SEMA3C: variants seen among roughly 807,000 people sequenced by gnomAD.
SEMA3C encodes semaphorin-3C.
A neutral mutation model predicts 89.4 loss-of-function variants in SEMA3C; 47 were observed. The ratio of observed to expected loss-of-function variants is 0.53; its 90% CI spans 0.42 to 0.67. SEMA3C has a LOEUF of 0.67. SEMA3C is among the 30% of genes least tolerant of loss of function. The pLI, the probability that SEMA3C is intolerant of heterozygous loss-of-function variation, is 0.00. For missense variants in SEMA3C, 839 were observed against 929.1 expected (o/e 0.90, Z 1.26); for synonymous variants, 310 against 320.2 (o/e 0.97, Z 0.34).
In SEMA3C at chr7:80,757,631, A is replaced by C. The variant is rs1399098317; in HGVS notation, c.1643+700T>G. 2.6e-5 allele frequency among the ~76,000 whole-genome samples: 4 copies of C among 152,342 alleles called. No individual in the cohort carries two copies. In the East Asian group the frequency reaches 7.7e-4, roughly 29 times the overall value. ...TTTACAAGATAATTAAGCAATGTAG[A>C]GAAATCCTAGGAAGGTGGGTTTTAA... On this transcript the variant is annotated intron_variant, in intron 15 of 17. Coordinates refer to ENST00000265361, the MANE Select transcript of SEMA3C (RefSeq NM_006379.5).
intron 2 of SEMA3C, among the ~76,000 whole-genome samples, chr7:80,873,816 G>A (rs1241254217): frequency 1.3e-5 from 2 of 152,152 alleles, no homozygotes; most frequent in Non-Finnish European, 2.9e-5. Flanking sequence ...ACTTCCAGTT[G>A]TTGCATGGAA....
At chr7:80,918,157 T>C (rs1193558431) in intron 1 of SEMA3C, 1 of 152,212 alleles carries the variant, frequency 6.6e-6, no homozygotes. Context: ...TATGGGTGAC[T>C]TTCCCTCAGT....
rs1362776343 is a variant in SEMA3C, at chr7:80,744,275, A to G, written c.*619T>C. On this transcript the variant is annotated 3_prime_UTR_variant, in exon 18 of 18. Transcript: ENST00000265361. ...TGATTTTTATCTTCCTGAATAAGGA[A>G]ACAAAGGTCAGTGACAGATACCAGT... 6.6e-6 allele frequency: 1 copy of G among 152,396 alleles called. No individual in the cohort carries two copies. Among genetic ancestry groups the G allele is most frequent in the Non-Finnish European group, 1.5e-5 (1 of 68,194 alleles). The allele number at this position is 152,396 out of a possible 1,614,324, so 9.4% of individuals were successfully genotyped here.
At chr7:80,835,716 G>C (rs2115850424) in intron 2 of SEMA3C, among the ~76,000 whole-genome samples, 1 of 152,230 alleles carries the variant, frequency 6.6e-6, no homozygotes, top group African/African-American at 2.4e-5. Context: ...AAAAATAATA[G>C]CCCCAAATAG....
In SEMA3C at chr7:80,796,601, A is replaced by G. The variant is rs563393351; in HGVS notation, c.1131+1491T>C. ...CTTTTCCCTGTTTTATACAAGATTA[A>G]TGTTCTGTCCATCTTCTTTAGAGCT... On this transcript the variant is annotated intron_variant, in intron 11 of 17. Transcript: ENST00000265361. 3 of 152,346 alleles carry G rather than the reference A, an allele frequency of 2.0e-5. No individual in the cohort carries two copies. The South Asian group carries it at 6.2e-4, about 32-fold the overall frequency. The allele number at this position is 152,346 out of a possible 1,614,324, so 9.4% of individuals were successfully genotyped here. A position where few individuals can be genotyped will look rare whatever the true frequency, so the allele number is the denominator to read the frequency against.
intron 2 of SEMA3C, among the ~76,000 whole-genome samples, chr7:80,905,497 T>C (rs550540532): frequency 2.4e-4 from 36 of 152,252 alleles, no homozygotes; most frequent in African/African-American, 7.5e-4. Flanking sequence ...TTACAGGCAC[T>C]GTTGGGAATT....
intron 9 of SEMA3C, among the ~76,000 whole-genome samples, chr7:80,801,832 T>C (rs2115667177): frequency 6.6e-6 from 1 of 152,240 alleles, no homozygotes; most frequent in South Asian, 2.1e-4. Context: ...AGAACTTTTC[T>C]CTAGAAAAGC....
intron 13 of SEMA3C, among the ~76,000 whole-genome samples, chr7:80,763,539 T>C (rs1185706514): frequency 6.6e-6 from 1 of 152,174 alleles, no homozygotes; most frequent in Non-Finnish European, 1.5e-5. Flanking sequence ...TTATTCAAGA[T>C]GATAACACCA....
chr7:80,777,996 C>G (rs545436142), intron 12 of SEMA3C, among the ~76,000 whole-genome samples: 11 of 152,144 alleles, frequency 7.2e-5, no homozygotes, highest in Admixed American at 6.5e-4. Context: ...TCTGCTATAT[C>G]TAATGTGTCA....
chr7:80,794,050 C>T (rs1383448998), intron 11 of SEMA3C, among the ~76,000 whole-genome samples: 1 of 151,984 alleles, frequency 6.6e-6, no homozygotes, highest in Non-Finnish European at 1.5e-5. Flanking sequence ...AAGACTTGTG[C>T]TTATGTATTA....
In SEMA3C at chr7:80,769,180, C is replaced by T. The variant is rs561550086; in HGVS notation, c.1355-3937G>A. ...TCAAGGTAACTGGGGTACTCATTAT[C>T]TTAGGCATTTATCATTTCTTTGTGT... On this transcript the variant is annotated intron_variant, in intron 12 of 17. Transcript: ENST00000265361. 2.0e-5 allele frequency among the ~76,000 whole-genome samples: 3 copies of T among 152,206 alleles called. No individual in the cohort carries two copies. In the East Asian group the frequency reaches 5.8e-4, roughly 29 times the overall value.
At chr7:80,867,193 C>A (rs984770031) in intron 2 of SEMA3C, among the ~76,000 whole-genome samples, 6 of 152,016 alleles carry the variant, frequency 3.9e-5, no homozygotes, top group Non-Finnish European at 5.9e-5. Context: ...CAAAACATAC[C>A]TTTTTAAAAC....
At chr7:80,834,607 T>C (rs1208479703) in intron 2 of SEMA3C, among the ~76,000 whole-genome samples, 1 of 152,202 alleles carries the variant, frequency 6.6e-6, no homozygotes, top group Admixed American at 6.5e-5. Flanking sequence ...CTTAATATTT[T>C]TGAGTTAACT....
intron 2 of SEMA3C, among the ~76,000 whole-genome samples, chr7:80,832,860 AG>A (rs1244654044): frequency 3.9e-5 from 6 of 152,086 alleles, no homozygotes; most frequent in Non-Finnish European, 8.8e-5. Flanking sequence ...CCTTGAATTG[AG>A]GTTTTCTTTT....
At chr7:80,875,786 A>G (rs987557441) in intron 2 of SEMA3C, among the ~76,000 whole-genome samples, 3 of 151,966 alleles carry the variant, frequency 2.0e-5, no homozygotes, top group Non-Finnish European at 4.4e-5. Context: ...AAGAGTAGTG[A>G]TGCAGGCAAT....
chr7:80,804,719 T>C (rs899496032), intron 7 of SEMA3C, among the ~76,000 whole-genome samples: 1 of 152,158 alleles, frequency 6.6e-6, no homozygotes, highest in Non-Finnish European at 1.5e-5. Flanking sequence ...ATTAGTCATT[T>C]GGAGACATAC....
At chr7:80,812,255 A>G (rs2115724765) in intron 5 of SEMA3C, among the ~76,000 whole-genome samples, 1 of 152,292 alleles carries the variant, frequency 6.6e-6, no homozygotes, top group East Asian at 1.9e-4. Context: ...CCTCCAGCCT[A>G]AAAAGGTTCT....
intron 12 of SEMA3C, among the ~76,000 whole-genome samples, chr7:80,784,866 T>C (rs1346682395): frequency 6.6e-6 from 1 of 152,142 alleles, no homozygotes. Context: ...ACATTATTAG[T>C]GTATGTACCA....
intron 2 of SEMA3C, among the ~76,000 whole-genome samples, chr7:80,894,909 G>A (rs543032402): frequency 6.4e-4 from 97 of 152,244 alleles, no homozygotes; most frequent in African/African-American, 2.3e-3. Flanking sequence ...ACGCTGCCTA[G>A]TAGCCAAGAT....
Sources: allele counts gnomAD v4.1 joint callset (sites outside exome capture counted in the v4.1 genomes callset), GRCh38; gene constraint gnomAD v4.1.1; transcripts MANE v1.5; gene names NCBI Gene and HGNC (gene_info 2026-07-23, HGNC 2026-07-21).